ZNF100: variants seen among roughly 807,000 people sequenced by gnomAD.
ZNF100 encodes the protein zinc finger protein 100 (Y1).
A neutral mutation model predicts 15.8 loss-of-function variants in ZNF100; 12 were observed. The observed-to-expected ratio is 0.76, with a 90% CI of 0.49 to 1.23. The LOEUF is 1.23. Among genes scored for constraint, ZNF100 ranks in the 50% most tolerant of loss-of-function variants. The probability of loss-of-function intolerance (pLI) is 0.00; values close to 1 mark genes in which losing one functional copy is unlikely to be tolerated. For synonymous variants in ZNF100, 226 were observed against 214.8 expected (o/e 1.05, Z -0.45); for missense variants, 670 against 635.6 (o/e 1.05, Z -0.58).
At chr19:21,734,601 A>G (rs1371616993) in intron 4 of ZNF100, among the ~76,000 whole-genome samples, 2 of 152,210 alleles carry the variant, frequency 1.3e-5, no homozygotes, top group African/African-American at 4.8e-5. Context: ...CACTAAAGAG[A>G]GGGAAAGAAT....
rs533592689 is a variant in ZNF100, at chr19:21,726,932, G to C, written c.1380C>G (p.Asp460Glu). 1 of 1,560,986 alleles carries C rather than the reference G, an allele frequency of 6.4e-7. No homozygotes were observed. The highest frequency in any genetic ancestry group is 2.4e-5 in the East Asian group (1 of 41,832). ...IHTGEKPYKCDECGKAFNRSS... is the reference protein window; with the variant it reads ...IHTGEKPYKCEECGKAFNRSS... ...ACCGGTTAAAGGCTTTGCCACATTCGTCACATTTGTAGGGTTTCTCTCCAG... is the reference window on the plus strand; with the variant it reads ...ACCGGTTAAAGGCTTTGCCACATTCCTCACATTTGTAGGGTTTCTCTCCAG... The change falls in exon 5 of 5, where the codon GAC becomes GAG. Residue 460 changes from aspartate (D) to glutamate (E), a missense_variant. Transcript: ENST00000358296.
In ZNF100 at chr19:21,750,911, G is replaced by C. The variant is rs1220124124; in HGVS notation, c.97-5844C>G. ...CAGCCTCAAGCTGGGCCGGTGCGTG[G>C]TGCCAGAGCTGTACTGCGCAACCGA... On this transcript the variant is annotated intron_variant, in intron 2 of 4. Transcript: ENST00000358296. The C allele has an allele frequency of 1.6e-5, 10 of 616,624 alleles. No individual in the cohort carries two copies. The South Asian group carries it at 2.1e-4, about 13-fold the overall frequency. The allele number at this position is 616,624 out of a possible 1,614,324, so 38.2% of individuals were successfully genotyped here.
intron 2 of ZNF100, chr19:21,752,001 A>G: frequency 2.9e-6 from 1 of 347,050 alleles, no homozygotes; most frequent in Admixed American, 4.5e-5. Context: ...CTCAAAAACC[A>G]GCAAAATTAG....
At position 21,725,112 on chromosome 19, in the gene ZNF100, T is replaced by G. The variant is rs1479629476; in HGVS notation, c.*1571A>C. ...CAGAAATAATATTCTTTAACTTATT[T>G]GCAGTCAAAGCCACTAGCAAAAGAG... is the stretch of plus-strand genomic sequence containing the variant. On this transcript the variant is annotated 3_prime_UTR_variant, in exon 5 of 5. Transcript: ENST00000358296. 1 of 152,168 alleles carries G rather than the reference T, an allele frequency of 6.6e-6. No homozygotes were observed. The highest frequency in any genetic ancestry group is 2.1e-4 in the South Asian group (1 of 4,836). 9.4% of individuals were successfully genotyped at this position (152,168 alleles called of 1,614,324 possible). A position where few individuals can be genotyped will look rare whatever the true frequency, so the allele number is the denominator to read the frequency against.
intron 4 of ZNF100, among the ~76,000 whole-genome samples, chr19:21,733,050 A>G (rs2035945958): frequency 6.6e-6 from 1 of 152,154 alleles, no homozygotes; most frequent in Non-Finnish European, 1.5e-5. Context: ...AACATAGTGA[A>G]ACTCTGCATA....
chr19:21,729,736 T>G (rs1350276997), intron 4 of ZNF100, among the ~76,000 whole-genome samples: 2 of 152,054 alleles, frequency 1.3e-5, no homozygotes, highest in Non-Finnish European at 2.9e-5. Flanking sequence ...GAAAACATTT[T>G]TAATTATTCT....
chr19:21,728,407 T>A (rs957858461), intron 4 of ZNF100, among the ~76,000 whole-genome samples: 1 of 152,114 alleles, frequency 6.6e-6, no homozygotes, highest in Non-Finnish European at 1.5e-5. Context: ...TCTTGAAATA[T>A]AATGCTGAAA....
chr19:21,733,690 C>G (rs1354615900), intron 4 of ZNF100, among the ~76,000 whole-genome samples: 6 of 152,384 alleles, frequency 3.9e-5, no homozygotes, highest in South Asian at 2.1e-4. Context: ...AAGCACACCC[C>G]CTTCACCAAG....
At chr19:21,750,100 T>C (rs1375109324) in intron 2 of ZNF100, among the ~76,000 whole-genome samples, 3 of 152,204 alleles carry the variant, frequency 2.0e-5, no homozygotes, top group Non-Finnish European at 2.9e-5. Context: ...TGGGCCAAGC[T>C]TGAGGACTGT....
chr19:21,761,516 G>A (rs754378346), intron 2 of ZNF100, among the ~76,000 whole-genome samples: 2 of 152,150 alleles, frequency 1.3e-5, no homozygotes, highest in Admixed American at 1.3e-4. Flanking sequence ...CCCCTGTACA[G>A]GGTTCCTGGC....
chr19:21,758,595 T>C (rs2036430103), intron 2 of ZNF100, among the ~76,000 whole-genome samples: 1 of 152,180 alleles, frequency 6.6e-6, no homozygotes, highest in Non-Finnish European at 1.5e-5. Flanking sequence ...CTGCTGCAGA[T>C]TCATTGTCTG....
chr19:21,742,563 C>A (rs2145713921), intron 4 of ZNF100, among the ~76,000 whole-genome samples: 1 of 151,986 alleles, frequency 6.6e-6, no homozygotes, highest in South Asian at 2.1e-4. Flanking sequence ...TTCACAGACA[C>A]CAATGCAAAA....
At chr19:21,748,820 T>C in intron 2 of ZNF100, among the ~76,000 whole-genome samples, 1 of 152,198 alleles carries the variant, frequency 6.6e-6, no homozygotes, top group Non-Finnish European at 1.5e-5. Flanking sequence ...TTCTCCTGCC[T>C]CAGCCTCCCA....
chr19:21,740,838 T>C (rs1194363605), intron 4 of ZNF100, among the ~76,000 whole-genome samples: 4 of 151,900 alleles, frequency 2.6e-5, no homozygotes, highest in Non-Finnish European at 5.9e-5. Flanking sequence ...AAAGTTGCAG[T>C]CATTATTTTA....
At chr19:21,764,402 G>A (rs1410498820) in intron 2 of ZNF100, among the ~76,000 whole-genome samples, 1 of 151,972 alleles carries the variant, frequency 6.6e-6, no homozygotes, top group Non-Finnish European at 1.5e-5. Flanking sequence ...CCAGCACTTC[G>A]GGAGGCCAAG....
intron 2 of ZNF100, among the ~76,000 whole-genome samples, chr19:21,748,782 G>A (rs531676365): frequency 5.3e-4 from 81 of 152,258 alleles, no homozygotes; most frequent in African/African-American, 1.9e-3. Flanking sequence ...TTGGCTCAAC[G>A]CAAACTCTAC....
chr19:21,731,397 C>G (rs1015698382), intron 4 of ZNF100, among the ~76,000 whole-genome samples: 1 of 151,710 alleles, frequency 6.6e-6, no homozygotes, highest in African/African-American at 2.4e-5. Context: ...CAACCTCCGC[C>G]TCCTGGGTTC....
chr19:21,761,147 A>C (rs566550588), intron 2 of ZNF100, among the ~76,000 whole-genome samples: 1 of 152,268 alleles, frequency 6.6e-6, no homozygotes, highest in African/African-American at 2.4e-5. Context: ...GAACTAATAG[A>C]AGACTGAAGT....
At chr19:21,758,407 G>A (rs921037675) in intron 2 of ZNF100, among the ~76,000 whole-genome samples, 1 of 152,150 alleles carries the variant, frequency 6.6e-6, no homozygotes, top group African/African-American at 2.4e-5. Flanking sequence ...CCCTGCACAT[G>A]TACACGTGTA....
Sources: gnomAD v4.1 joint callset for allele counts (sites outside exome capture counted in the v4.1 genomes callset) on GRCh38, gnomAD v4.1.1 for gene constraint, MANE v1.5 for transcripts, NCBI Gene and HGNC (gene_info 2026-07-23, HGNC 2026-07-21) for gene names.